The following CCDC77 variants were observed in gnomAD, a reference collection of about 807,000 sequenced individuals.
The protein encoded by CCDC77 is coiled-coil domain containing 77.
Under a neutral mutation model 66.8 loss-of-function variants are expected in CCDC77, and 56 were observed. That is an observed-to-expected ratio of 0.84 (90% CI 0.68 to 1.05). The LOEUF is 1.05. Ranked by LOEUF, CCDC77 falls within the 50% of genes least tolerant of loss-of-function variation. The pLI is 0.00. For missense variants in CCDC77, 570 were observed against 576.8 expected, an observed-to-expected ratio of 0.99 and a Z score of 0.12; for synonymous variants, 196 against 195.2, an observed-to-expected ratio of 1.00 and a Z score of -0.03.
chr12:411,941 A>G lies in CCDC77; in HGVS notation c.233A>G (p.Lys78Arg). 6.2e-7 allele frequency: 1 copy of G among 1,614,026 alleles called. No individual in the cohort carries two copies. The highest frequency in any genetic ancestry group is 8.5e-7 in the Non-Finnish European group (1 of 1,179,998). Residue 78 changes from lysine (K) to arginine (R), a missense_variant, in exon 4 of 13, where the codon AAG (lysine) becomes AGG (arginine). By Grantham distance (26) the Lys-to-Arg change is conservative (BLOSUM62 2). Transcript: ENST00000239830. ...GAGGCAGAAAATGAGGACTTGCTGA[A>G]GAAACTGGAACTCTACAAAGAAGCT... is the stretch of plus-strand genomic sequence containing the variant. ...ECEAENEDLL[K>R]KLELYKEACE...
In CCDC77 at chr12:423,114, C is replaced by CTTTTTTTT. The variant is rs139334337; in HGVS notation, c.413+4495_413+4502dup. On this transcript the variant is annotated intron_variant, in intron 5 of 12. Transcript: ENST00000239830. ...ATTTTCTTTTTTTTTTCTTTTAAGC[C>CTTTTTTTT]TTTTTTTTTTTTTTTTTTTTTTTTG... Among the ~76,000 whole-genome samples, 141 of 74,568 alleles carry CTTTTTTTT rather than the reference C, an allele frequency of 1.9e-3. 4 individuals carry two copies. The highest frequency in any genetic ancestry group is 2.4e-3 in the Non-Finnish European group (105 of 43,074). The allele number at this position is 74,568 out of a possible 152,430, so 48.9% of individuals were successfully genotyped here.
intron 5 of CCDC77, 173 bp downstream of exon 5, chr12:418,809 A>C: frequency 5.7e-5 from 36 of 628,522 alleles, no homozygotes; most frequent in Non-Finnish European, 7.4e-5. Context: ...AGCGATTCTC[A>C]TGCCTCAGCC....
chr12:391,179 C>T (rs1944749319), intron 1 of CCDC77, among the ~76,000 whole-genome samples: 2 of 152,308 alleles, frequency 1.3e-5, no homozygotes, highest in Middle Eastern at 3.4e-3. Context: ...TGTCCAGGTG[C>T]AGTGGCTCAC....
chr12:404,162 CA>C (rs1188928101), intron 1 of CCDC77, among the ~76,000 whole-genome samples: 4 of 151,812 alleles, frequency 2.6e-5, no homozygotes, highest in East Asian at 2.0e-4. Context: ...ACTAAAAATA[CA>C]AAAAAAATTA....
Position 440,878 on chromosome 12 carries a change from T to A in CCDC77, c.1202T>A (p.Ile401Lys). 6.2e-7 allele frequency: 1 copy of A among 1,613,846 alleles called. No individual in the cohort carries two copies. Among genetic ancestry groups the A allele is most frequent in the Non-Finnish European group, 8.5e-7 (1 of 1,180,026 alleles). Reference protein sequence around the residue: ...RTNKMGKRLQIMTKRYEALER... With the variant: ...RTNKMGKRLQKMTKRYEALER... The stretch of plus-strand genomic sequence containing the variant: ...AACAAGATGGGGAAGCGTTTACAGA[T>A]AATGACAAAACGCTATGAGGCATTG... The change falls in exon 12 of 13, where the codon ATA (isoleucine) becomes AAA (lysine). Residue 401 changes from isoleucine to lysine, a missense_variant. Coordinates refer to ENST00000239830, the MANE Select transcript of CCDC77 (RefSeq NM_032358.4).
rs770003261 is a variant in CCDC77, at chr12:438,431, A to T, written c.918A>T (p.Glu306Asp). ...ATAAAGAGAAGTCATGGATGCTTGA[A>T]AAAGATAATTTGATGTCAAAGATTA... Reference protein sequence around the residue: ...NQNKEKSWMLEKDNLMSKIKQ... With the variant: ...NQNKEKSWMLDKDNLMSKIKQ... Residue 306 changes from glutamate (E) to aspartate (D), a missense_variant, in exon 10 of 13, where the codon GAA becomes GAT. Physicochemically the swap from Glu to Asp is conservative, Grantham distance 45 (BLOSUM62 2). Coordinates refer to ENST00000239830, the MANE Select transcript of CCDC77 (RefSeq NM_032358.4). The T allele has an allele frequency of 1.7e-5, 27 of 1,613,930 alleles. No individual in the cohort carries two copies. The highest frequency in any genetic ancestry group is 2.1e-5 in the Non-Finnish European group (25 of 1,179,910).
chr12:408,034 A>T (rs1565564266), intron 2 of CCDC77, among the ~76,000 whole-genome samples: 1 of 151,884 alleles, frequency 6.6e-6, no homozygotes, highest in African/African-American at 2.4e-5. Context: ...TGATACACCC[A>T]CCTCGGCCTC....
intron 5 of CCDC77, among the ~76,000 whole-genome samples, chr12:422,526 G>A (rs1352389794): frequency 1.3e-5 from 2 of 152,218 alleles, no homozygotes; most frequent in East Asian, 3.8e-4. Context: ...GAATCATACA[G>A]TATTTGTTAT....
At chr12:440,141 G>T (rs923793204) in intron 10 of CCDC77, among the ~76,000 whole-genome samples, 1 of 152,212 alleles carries the variant, frequency 6.6e-6, no homozygotes, top group South Asian at 2.1e-4. Context: ...GTGCATCATC[G>T]TATGGAGTGT....
chr12:434,544 G>T (rs1260494272), intron 9 of CCDC77, among the ~76,000 whole-genome samples: 2 of 151,964 alleles, frequency 1.3e-5, no homozygotes, highest in Non-Finnish European at 2.9e-5. Context: ...TAGAGACGGG[G>T]TGTCACTGTG....
In CCDC77 at chr12:422,547, C is replaced by T. The variant is rs531329779; in HGVS notation, c.413+3911C>T. Among the ~76,000 whole-genome samples the T allele has an allele frequency of 9.8e-5, 15 of 152,380 alleles. No individual in the cohort carries two copies. In the South Asian group the frequency reaches 2.9e-3, roughly 29 times the overall value. ...TACAGTATTTGTTATGCTTATTTCA[C>T]TCAGCGTAATGTCTTCAAGGTTCAT... On this transcript the variant is annotated intron_variant, in intron 5 of 12. Coordinates refer to ENST00000239830, the MANE Select transcript of CCDC77 (RefSeq NM_032358.4).
chr12:434,137 T>A lies in CCDC77; in HGVS notation c.821+815T>A, dbSNP rs568144583. 2.6e-3 allele frequency among the ~76,000 whole-genome samples: 397 copies of A among 152,186 alleles called. 1 individual carries two copies. Among genetic ancestry groups the A allele is most frequent in the Non-Finnish European group, 2.2e-3 (151 of 68,012 alleles). ...CTTTGTTCTTTGCTTCTTGTGTGTT[T>A]TAGTTTCCTATAATGCACATACTTT... On this transcript the variant is annotated intron_variant, in intron 9 of 12. Transcript: ENST00000239830.
At chr12:404,242 G>C (rs1311426737) in intron 1 of CCDC77, among the ~76,000 whole-genome samples, 2 of 152,356 alleles carry the variant, frequency 1.3e-5, no homozygotes, top group South Asian at 4.1e-4. Context: ...CTTGAACCCA[G>C]GAGGTGGAGG....
At chr12:415,538 A>G (rs561987968) in intron 4 of CCDC77, among the ~76,000 whole-genome samples, 3 of 143,082 alleles carry the variant, frequency 2.1e-5, no homozygotes, top group Non-Finnish European at 4.5e-5. Flanking sequence ...TTATTAACAT[A>G]ATAATATGTT....
intron 10 of CCDC77, among the ~76,000 whole-genome samples, chr12:439,841 A>G (rs190738798): frequency 6.8e-4 from 103 of 152,352 alleles, no homozygotes; most frequent in African/African-American, 2.4e-3. Flanking sequence ...TAAAAGAATT[A>G]CATGAAAATT....
At position 418,517 on chromosome 12, in the gene CCDC77, G is replaced by A; in HGVS notation, c.294G>A (p.Gln98=). 1 of 1,614,116 alleles carries A rather than the reference G, an allele frequency of 6.2e-7. No individual in the cohort carries two copies. The highest frequency in any genetic ancestry group is 1.3e-5 in the African/African-American group (1 of 75,030). The part of the protein sequence containing the change: ...EGQHKLECDL[Q]QREEEIAELQ... ...AGCATAAACTTGAATGTGATTTGCAGCAGAGGGAGGAAGAGATTGCTGAAT... is the reference window on the plus strand; with the variant it reads ...AGCATAAACTTGAATGTGATTTGCAACAGAGGGAGGAAGAGATTGCTGAAT... The change falls in exon 5 of 13, where the codon CAG becomes CAA. Residue 98 remains glutamine, a synonymous_variant. Coordinates refer to ENST00000239830, the MANE Select transcript of CCDC77 (RefSeq NM_032358.4).
intron 3 of CCDC77, among the ~76,000 whole-genome samples, chr12:410,733 A>G (rs1945091526): frequency 6.6e-6 from 1 of 151,404 alleles, no homozygotes; most frequent in Non-Finnish European, 1.5e-5. Flanking sequence ...TTTGGTAGAG[A>G]CTAGGTTTCA....
chr12:429,952 A>G (rs1255372366), intron 6 of CCDC77, among the ~76,000 whole-genome samples: 1 of 152,054 alleles, frequency 6.6e-6, no homozygotes, highest in Non-Finnish European at 1.5e-5. Flanking sequence ...TTTTAATCAT[A>G]TATTACTAAA....
rs55916201 is a variant in CCDC77, at chr12:441,758, T to C, written c.1321-16T>C. ...CCATCATCATTTCTTTTTTTTTTTTTTTTTCAAACCCCTAGGCAACAGTTA... is the reference window on the plus strand; with the variant it reads ...CCATCATCATTTCTTTTTTTTTTTTCTTTTCAAACCCCTAGGCAACAGTTA... On this transcript the variant is annotated splice_polypyrimidine_tract_variant and intron_variant, in intron 12 of 12. Coordinates refer to ENST00000239830, the MANE Select transcript of CCDC77 (RefSeq NM_032358.4). The C allele has an allele frequency of 0.016, 25,714 of 1,582,318 alleles. 161 individuals are homozygous for C. The highest frequency in any genetic ancestry group is 0.022 in the Middle Eastern group (129 of 5,880).
Sources: gnomAD v4.1 joint callset for allele counts (sites outside exome capture counted in the v4.1 genomes callset) on GRCh38, gnomAD v4.1.1 for gene constraint, MANE v1.5 for transcripts, NCBI Gene and HGNC (gene_info 2026-07-23, HGNC 2026-07-21) for gene names.